Variants in UNC5C observed in about 807,000 individuals in gnomAD.
UNC5C encodes unc-5 netrin receptor C, also known as netrin receptor UNC5C.
Under a neutral mutation model 99.8 loss-of-function variants are expected in UNC5C, and 47 were observed. The ratio of observed to expected loss-of-function variants is 0.47; its 90% CI spans 0.37 to 0.60. The LOEUF (loss-of-function observed/expected upper bound fraction) is 0.60, where lower values mean the gene tolerates loss of function less well. Ranked by LOEUF, UNC5C falls within the 20% of genes least tolerant of loss-of-function variation. UNC5C has a pLI of 0.00. For missense variants in UNC5C, 1,062 were observed against 1,165.9 expected (o/e 0.91, Z 1.30); for synonymous variants, 487 against 452.2 (o/e 1.08, Z -0.98).
chr4:95,548,721 C>G lies in UNC5C; in HGVS notation c.124+13G>C, dbSNP rs952893880. 1 of 1,611,008 alleles carries G rather than the reference C, an allele frequency of 6.2e-7. No homozygotes were observed. On this transcript the variant is annotated intron_variant, in intron 1 of 15. Coordinates refer to ENST00000453304, the MANE Select transcript of UNC5C (RefSeq NM_003728.4). ...TAAGGGAGGTGGCCGCGGAGCTTGG[C>G]GGACCCCCTTACCTTGGGCGGCGGA...
rs1735828123 is a variant in UNC5C, at chr4:95,165,579, TAAG to T, written c.*3652_*3654del. 1 of 152,138 alleles carries T rather than the reference TAAG, an allele frequency of 6.6e-6. No individual in the cohort carries two copies. The highest frequency in any genetic ancestry group is 2.4e-5 in the African/African-American group (1 of 41,424). The allele number at this position is 152,138 out of a possible 1,614,324, so 9.4% of individuals were successfully genotyped here. Reference sequence around the variant, plus strand: ...ATTAAGGAAACTTGAAAGAGTGTGATAAGAAGAAAATAAAAACAGGATGAAACC... The same window carrying T: ...ATTAAGGAAACTTGAAAGAGTGTGATAAGAAAATAAAAACAGGATGAAACC... On this transcript the variant is annotated 3_prime_UTR_variant, in exon 16 of 16. Coordinates refer to ENST00000453304, the MANE Select transcript of UNC5C (RefSeq NM_003728.4).
At chr4:95,394,271 C>G (rs1745445967) in intron 1 of UNC5C, among the ~76,000 whole-genome samples, 1 of 150,016 alleles carries the variant, frequency 6.7e-6, no homozygotes, top group African/African-American at 2.5e-5. Flanking sequence ...AAAAAAAAAC[C>G]CTCCAATCCC....
At chr4:95,507,547 C>A (rs996781746) in intron 1 of UNC5C, among the ~76,000 whole-genome samples, 2 of 151,994 alleles carry the variant, frequency 1.3e-5, no homozygotes. Context: ...TTCCTCTACA[C>A]ACTTGTAGCA....
At chr4:95,231,802 T>A (rs1280538840) in intron 7 of UNC5C, among the ~76,000 whole-genome samples, 2 of 152,218 alleles carry the variant, frequency 1.3e-5, no homozygotes, top group East Asian at 3.8e-4. Context: ...TCATTTATTA[T>A]AATTTACCAC....
chr4:95,546,591 G>C (rs960226784), intron 1 of UNC5C, among the ~76,000 whole-genome samples: 46 of 152,104 alleles, frequency 3.0e-4, no homozygotes, highest in African/African-American at 9.4e-4. Flanking sequence ...TAAACGAAAT[G>C]GACAAGAACT....
chr4:95,236,270 C>A (rs1229254012), intron 7 of UNC5C, among the ~76,000 whole-genome samples: 1 of 152,116 alleles, frequency 6.6e-6, no homozygotes, highest in Non-Finnish European at 1.5e-5. Flanking sequence ...AGGATGAGTT[C>A]ATGTCCTTTG....
chr4:95,361,349 C>T (rs1560804146), intron 1 of UNC5C, among the ~76,000 whole-genome samples: 1 of 152,192 alleles, frequency 6.6e-6, no homozygotes, highest in Non-Finnish European at 1.5e-5. Context: ...CTTTAACTCT[C>T]TCTTCTTCTG....
intron 1 of UNC5C, among the ~76,000 whole-genome samples, chr4:95,514,270 T>C (rs1028748650): frequency 1.2e-4 from 18 of 152,224 alleles, no homozygotes; most frequent in Admixed American, 7.9e-4. Context: ...TAAATGTCTA[T>C]ATTCAGTTTG....
intron 1 of UNC5C, among the ~76,000 whole-genome samples, chr4:95,524,571 T>C (rs974029096): frequency 3.9e-5 from 6 of 152,118 alleles, no homozygotes; most frequent in Admixed American, 6.5e-5. Flanking sequence ...TGGGCCCATA[T>C]TCCTGCAGTG....
chr4:95,506,622 T>C (rs1049246701), intron 1 of UNC5C, among the ~76,000 whole-genome samples: 1 of 151,948 alleles, frequency 6.6e-6, no homozygotes, highest in African/African-American at 2.4e-5. Context: ...AAGAAAACCC[T>C]AGCAAAATGG....
chr4:95,504,819 T>C (rs1424660700), intron 1 of UNC5C, among the ~76,000 whole-genome samples: 1 of 152,126 alleles, frequency 6.6e-6, no homozygotes, highest in Non-Finnish European at 1.5e-5. Flanking sequence ...AATCATCAAC[T>C]AATGTCTTTG....
intron 2 of UNC5C, among the ~76,000 whole-genome samples, chr4:95,326,740 AATAAT>A (rs1432666256): frequency 6.6e-6 from 1 of 152,206 alleles, no homozygotes; most frequent in Non-Finnish European, 1.5e-5. Context: ...AGTGAGTAGA[AATAAT>A]TATTTGCTTC....
chr4:95,249,697 C>T (rs1693708639), intron 5 of UNC5C, among the ~76,000 whole-genome samples: 1 of 152,064 alleles, frequency 6.6e-6, no homozygotes, highest in Non-Finnish European at 1.5e-5. Flanking sequence ...CTTAGTACTT[C>T]CAGAGAATTG....
intron 1 of UNC5C, among the ~76,000 whole-genome samples, chr4:95,509,383 C>T (rs879407270): frequency 6.6e-6 from 1 of 151,780 alleles, no homozygotes; most frequent in Admixed American, 6.6e-5. Context: ...TTTCAGCCCT[C>T]AACTCCTAAT....
intron 1 of UNC5C, among the ~76,000 whole-genome samples, chr4:95,525,756 T>G (rs1722483625): frequency 6.6e-6 from 1 of 152,132 alleles, no homozygotes; most frequent in South Asian, 2.1e-4. Flanking sequence ...ACTACTCTAC[T>G]CAAAAGTGAC....
At chr4:95,519,839 A>G (rs954722737) in intron 1 of UNC5C, among the ~76,000 whole-genome samples, 4 of 152,240 alleles carry the variant, frequency 2.6e-5, no homozygotes, top group African/African-American at 7.2e-5. Context: ...TTTGTCTTGC[A>G]TAACTGCAAA....
At chr4:95,321,814 A>T (rs553123963) in intron 2 of UNC5C, among the ~76,000 whole-genome samples, 2 of 152,332 alleles carry the variant, frequency 1.3e-5, no homozygotes, top group African/African-American at 4.8e-5. Context: ...ACCAGCAACT[A>T]CCATCTTGTG....
At chr4:95,415,528 G>A (rs1011787815) in intron 1 of UNC5C, among the ~76,000 whole-genome samples, 21 of 152,080 alleles carry the variant, frequency 1.4e-4, no homozygotes, top group African/African-American at 4.8e-4. Context: ...TAATGATTGA[G>A]TTGATATTTA....
At chr4:95,431,952 C>T (rs544045297) in intron 1 of UNC5C, among the ~76,000 whole-genome samples, 57 of 152,052 alleles carry the variant, frequency 3.7e-4, no homozygotes, top group South Asian at 8.3e-4. Flanking sequence ...GTCACTGCCC[C>T]GTATCAAGTA....
Sources: allele counts gnomAD v4.1 joint callset (sites outside exome capture counted in the v4.1 genomes callset), GRCh38; gene constraint gnomAD v4.1.1; transcripts MANE v1.5; gene names NCBI Gene and HGNC (gene_info 2026-07-23, HGNC 2026-07-21).